The following TLL1 variants were observed in gnomAD, a reference collection of about 807,000 sequenced individuals.
TLL1 encodes the protein tolloid-like protein 1.
TLL1 carries 49 observed loss-of-function variants against 128.2 expected under a neutral mutation model. The ratio of observed to expected loss-of-function variants is 0.38; its 90% confidence interval spans 0.30 to 0.48. The LOEUF (loss-of-function observed/expected upper bound fraction) is 0.48. Among genes scored for constraint, TLL1 ranks in the 20% least tolerant of loss-of-function variants. TLL1 has a pLI of 0.96. For synonymous variants in TLL1, 454 were observed against 418.8 expected, an observed-to-expected ratio of 1.08 and a Z score of -1.03; for missense variants, 1,123 against 1,242.0, an observed-to-expected ratio of 0.90 and a Z score of 1.44.
intron 18 of TLL1, among the ~76,000 whole-genome samples, chr4:166,078,803 A>G (rs1427859304): frequency 6.6e-6 from 1 of 152,196 alleles, no homozygotes; most frequent in Non-Finnish European, 1.5e-5. Context: ...AGGCTCAGGA[A>G]AGAGCCTAGC....
chr4:166,056,844 T>A (rs1740032146), intron 13 of TLL1, among the ~76,000 whole-genome samples: 1 of 152,134 alleles, frequency 6.6e-6, no homozygotes, highest in African/African-American at 2.4e-5. Context: ...AGCAGCAACA[T>A]GAATTTGTAT....
chr4:165,909,725 G>A (rs745508428), intron 1 of TLL1, among the ~76,000 whole-genome samples: 2 of 152,170 alleles, frequency 1.3e-5, no homozygotes, highest in Non-Finnish European at 1.5e-5. Flanking sequence ...TTCAAGAAAA[G>A]TCCATAATAA....
At chr4:166,025,216 G>A (rs1738435494) in intron 8 of TLL1, 100 bp from the exon 9 acceptor site, 1 of 814,886 alleles carries the variant, frequency 1.2e-6, no homozygotes, top group South Asian at 1.4e-5. Context: ...CAAACATTTA[G>A]TCTTGTCTAC....
chr4:166,099,905 T>C lies in TLL1; in HGVS notation c.2907+378T>C, dbSNP rs1385648748. On this transcript the variant is annotated intron_variant, in intron 20 of 20. Coordinates refer to ENST00000061240, the MANE Select transcript of TLL1 (RefSeq NM_012464.5). ...ATTAAAGCATAAAGGAAAAAAATAA[T>C]ATGCACACCATTCTAATTCACATTC... Among the ~76,000 whole-genome samples, 5 of 152,092 alleles carry C rather than the reference T, an allele frequency of 3.3e-5. No individual in the cohort carries two copies. The South Asian group carries it at 6.2e-4, about 19-fold the overall frequency.
chr4:165,873,631 C>G lies in TLL1; in HGVS notation c.-274C>G. The G allele has an allele frequency of 3.3e-6, 1 of 303,754 alleles. No individual in the cohort carries two copies. The allele number at this position is 303,754 out of a possible 1,614,324, so 18.8% of individuals were successfully genotyped here. A position where few individuals can be genotyped will look rare whatever the true frequency, so the allele number is the denominator to read the frequency against. ...CCAGAGCCGAGTTTGCCTGCGCCCT[C>G]CCCGCCTCCGAGTGCAGAGTTCCTT... On this transcript the variant is annotated 5_prime_UTR_variant, in exon 1 of 21. Coordinates refer to ENST00000061240, the MANE Select transcript of TLL1 (RefSeq NM_012464.5).
Position 166,077,907 on chromosome 4 carries a change from G to C in TLL1, c.2319G>C (p.Glu773Asp). The stretch of plus-strand genomic sequence containing the variant: ...ATATTATGGTTATTGGTGCAGCTGA[G>C]TGTGAACAGAAGATCCACAGTCCAA... ...HDNKHDCKEAECEQKIHSPSG... is the reference protein window; with the variant it reads ...HDNKHDCKEADCEQKIHSPSG... The change falls in exon 18 of 21, where the codon GAG (glutamate) becomes GAC (aspartate). Residue 773 changes from glutamate to aspartate, a missense_variant. Glu to Asp is a conservative substitution (Grantham distance 45). Around this residue, in one of 3 missense-constraint regions of TLL1, gnomAD observed 634 missense variants for 672.4 expected, o/e 0.94. Transcript: ENST00000061240. 6.2e-7 allele frequency: 1 copy of C among 1,613,518 alleles called. No individual in the cohort carries two copies. The highest frequency in any genetic ancestry group is 8.5e-7 in the Non-Finnish European group (1 of 1,179,650).
In TLL1 at chr4:166,100,837, A is replaced by T; in HGVS notation, c.3003A>T (p.Lys1001Asn). ...AGAAGGGATTTCATATAAGATACAA[A>T]AGCATAAGATATCCAGATACCACAC... ...INKKGFHIRY[K>N]SIRYPDTTHT... The change falls in exon 21 of 21, where the codon AAA becomes AAT. Residue 1001 changes from lysine (K) to asparagine (N), a missense_variant. Transcript: ENST00000061240. 1 of 1,612,962 alleles carries T rather than the reference A, an allele frequency of 6.2e-7. No individual in the cohort carries two copies.
intron 1 of TLL1, among the ~76,000 whole-genome samples, chr4:165,905,072 AG>A (rs1732188423): frequency 6.6e-6 from 1 of 152,204 alleles, no homozygotes; most frequent in African/African-American, 2.4e-5. Context: ...ATAAATACCA[AG>A]TGTTAGTGAA....
chr4:166,103,206 T>TA lies in TLL1; in HGVS notation c.*2333dup, dbSNP rs1742368605. ...GTAGTAGAATCAATCTCGACCTATATAAATAGTAGATTTTTTATGGTGAAA... is the reference window on the plus strand; with the variant it reads ...GTAGTAGAATCAATCTCGACCTATATAAAATAGTAGATTTTTTATGGTGAAA... On this transcript the variant is annotated 3_prime_UTR_variant, in exon 21 of 21. Coordinates refer to ENST00000061240, the MANE Select transcript of TLL1 (RefSeq NM_012464.5). The TA allele has an allele frequency of 6.6e-6, 1 of 151,866 alleles. No homozygotes were observed. The highest frequency in any genetic ancestry group is 1.5e-5 in the Non-Finnish European group (1 of 67,884). 9.4% of individuals were successfully genotyped at this position (151,866 alleles called of 1,614,324 possible).
intron 1 of TLL1, among the ~76,000 whole-genome samples, chr4:165,946,086 G>A (rs1320245601): frequency 1.3e-5 from 2 of 152,066 alleles, no homozygotes; most frequent in African/African-American, 4.8e-5. Flanking sequence ...GAATGCACGT[G>A]GCCTTAAGGA....
At chr4:165,982,993 G>A (rs1345163441) in intron 1 of TLL1, among the ~76,000 whole-genome samples, 1 of 151,766 alleles carries the variant, frequency 6.6e-6, no homozygotes, top group East Asian at 1.9e-4. Context: ...GTGGTTGATT[G>A]TATACTTAAT....
At position 166,065,038 on chromosome 4, in the gene TLL1, T is replaced by C. The variant is rs543137167; in HGVS notation, c.2008-645T>C. Among the ~76,000 whole-genome samples, 6 of 152,216 alleles carry C rather than the reference T, an allele frequency of 3.9e-5. No individual in the cohort carries two copies. In the East Asian group the frequency reaches 1.2e-3, roughly 29 times the overall value. ...CATCTGTTAGTGGCCATAAAATTGCTTAAGAATACCTGGCATTCATTTAGC... is the reference window on the plus strand; with the variant it reads ...CATCTGTTAGTGGCCATAAAATTGCCTAAGAATACCTGGCATTCATTTAGC... On this transcript the variant is annotated intron_variant, in intron 15 of 20. Transcript: ENST00000061240.
At chr4:165,937,400 A>G (rs144306432) in intron 1 of TLL1, among the ~76,000 whole-genome samples, 1 of 152,312 alleles carries the variant, frequency 6.6e-6, no homozygotes, top group African/African-American at 2.4e-5. Flanking sequence ...TCACATACAC[A>G]TTCTCAGAAT....
chr4:166,065,627 A>AT, intron 15 of TLL1, 56 bp from the exon 16 acceptor site: 2 of 1,546,630 alleles, frequency 1.3e-6, no homozygotes, highest in Middle Eastern at 1.7e-4. Flanking sequence ...TTTAAGATAA[A>AT]TGTCAATCAT....
chr4:165,873,893 C>CG lies in TLL1; in HGVS notation c.-7dup, dbSNP rs769528007. ...TGGGTCCCGTCCCCTCCTTTTCCTCCGGGGGAGGAGGATGGGGTTGGGAAC... is the reference window on the plus strand; with the variant it reads ...TGGGTCCCGTCCCCTCCTTTTCCTCCGGGGGGAGGAGGATGGGGTTGGGAAC... On this transcript the variant is annotated 5_prime_UTR_variant, in exon 1 of 21. Transcript: ENST00000061240. The CG allele has an allele frequency of 6.8e-6, 11 of 1,613,416 alleles. No homozygotes were observed. Among genetic ancestry groups the CG allele is most frequent in the South Asian group, 2.2e-5 (2 of 91,042 alleles).
chr4:166,011,808 T>C (rs553723579), intron 7 of TLL1, among the ~76,000 whole-genome samples: 48 of 151,670 alleles, frequency 3.2e-4, no homozygotes, highest in African/African-American at 1.1e-3. Flanking sequence ...GGTAGCTTCC[T>C]CCTATTCCTA....
intron 5 of TLL1, among the ~76,000 whole-genome samples, chr4:165,996,666 C>A (rs982683136): frequency 3.3e-5 from 5 of 151,948 alleles, no homozygotes; most frequent in Admixed American, 3.3e-4. Flanking sequence ...TCCTCACACA[C>A]AATAAAAGAA....
In TLL1 at chr4:166,101,200, G is replaced by C; in HGVS notation, c.*324G>C. 3.0e-6 allele frequency: 1 copy of C among 332,222 alleles called. No homozygotes were observed. The highest frequency in any genetic ancestry group is 5.7e-6 in the Non-Finnish European group (1 of 175,768). The allele number at this position is 332,222 out of a possible 1,614,324, so 20.6% of individuals were successfully genotyped here. On this transcript the variant is annotated 3_prime_UTR_variant, in exon 21 of 21. Coordinates refer to ENST00000061240, the MANE Select transcript of TLL1 (RefSeq NM_012464.5). ...TCAGACAGTTTAATTCAGGAACTGTGACCCTGCAGTGTTCTTTTTGACAAT... is the reference window on the plus strand; with the variant it reads ...TCAGACAGTTTAATTCAGGAACTGTCACCCTGCAGTGTTCTTTTTGACAAT...
chr4:166,089,725 T>C (rs968762747), intron 18 of TLL1, among the ~76,000 whole-genome samples: 1 of 152,132 alleles, frequency 6.6e-6, no homozygotes, highest in African/African-American at 2.4e-5. Context: ...TTTTCATCCA[T>C]AATGATTATA....
Sources: allele counts gnomAD v4.1 joint callset (sites outside exome capture counted in the v4.1 genomes callset), GRCh38; gene constraint gnomAD v4.1.1; regional missense constraint gnomAD v4.1.1; transcripts MANE v1.5; gene names NCBI Gene and HGNC (gene_info 2026-07-23, HGNC 2026-07-21).